GMDS: variants seen among roughly 807,000 people sequenced by gnomAD.
The protein encoded by GMDS is GDP-mannose 4,6-dehydratase.
GMDS carries 20 observed loss-of-function variants against 49.9 expected under a neutral mutation model. That is an observed-to-expected ratio of 0.40 (90% CI 0.28 to 0.58). The LOEUF (loss-of-function observed/expected upper bound fraction) is 0.58, where lower values mean the gene tolerates loss of function less well. Ranked by LOEUF, GMDS falls within the 20% of genes least tolerant of loss-of-function variation. The pLI is 0.42. For missense variants in GMDS, 362 were observed against 481.4 expected, an observed-to-expected ratio of 0.75 and a Z score of 2.32; for synonymous variants, 177 against 178.6, an observed-to-expected ratio of 0.99 and a Z score of 0.07.
chr6:1,875,525 A>C (rs1039385068), intron 7 of GMDS, among the ~76,000 whole-genome samples: 3 of 152,212 alleles, frequency 2.0e-5, no homozygotes, highest in Non-Finnish European at 2.9e-5. Context: ...TTTAAACATC[A>C]GAATTATATT....
intron 9 of GMDS, among the ~76,000 whole-genome samples, chr6:1,637,611 G>A (rs1033297501): frequency 1.3e-5 from 2 of 152,204 alleles, no homozygotes; most frequent in African/African-American, 4.8e-5. Context: ...GGGGAAGCAC[G>A]TTCCGCACCA....
chr6:1,996,098 TTCCTTC>T lies in GMDS; in HGVS notation c.346-35138_346-35133del, dbSNP rs563214150. 1.8e-4 allele frequency among the ~76,000 whole-genome samples: 27 copies of T among 152,132 alleles called. No homozygotes were observed. The South Asian group carries it at 5.0e-3, about 28-fold the overall frequency. ...TTTCCTTCTTTTCTTCTTCTCCTTC[TTCCTTC>T]TCCTTCTCCTTCCTCCTCCTTCCTC... On this transcript the variant is annotated intron_variant, in intron 4 of 10. Coordinates refer to ENST00000380815, the MANE Select transcript of GMDS (RefSeq NM_001500.4).
chr6:2,110,063 G>GCTAC (rs1257273488), intron 4 of GMDS, among the ~76,000 whole-genome samples: 2 of 152,084 alleles, frequency 1.3e-5, no homozygotes, highest in Admixed American at 1.3e-4. Context: ...TTTTTAATAG[G>GCTAC]CTACCCCCTA....
At chr6:1,944,717 C>T (rs1042739582) in intron 6 of GMDS, among the ~76,000 whole-genome samples, 2 of 140,568 alleles carry the variant, frequency 1.4e-5, no homozygotes, top group Admixed American at 7.0e-5. Context: ...AGTAACTTAA[C>T]AAAAATAGTA....
chr6:1,765,247 C>T (rs1768306097), intron 7 of GMDS, among the ~76,000 whole-genome samples: 2 of 152,188 alleles, frequency 1.3e-5, no homozygotes, highest in African/African-American at 4.8e-5. Flanking sequence ...TTTTATTCAA[C>T]ACCATTTTCC....
At chr6:2,103,938 G>A (rs1409825513) in intron 4 of GMDS, among the ~76,000 whole-genome samples, 1 of 152,214 alleles carries the variant, frequency 6.6e-6, no homozygotes, top group Non-Finnish European at 1.5e-5. Context: ...TATGGGGACT[G>A]AACCATAATA....
At chr6:1,863,309 T>C (rs1207652386) in intron 7 of GMDS, among the ~76,000 whole-genome samples, 1 of 152,182 alleles carries the variant, frequency 6.6e-6, no homozygotes, top group Non-Finnish European at 1.5e-5. Flanking sequence ...AAAATGTTTT[T>C]ACGATTTCAC....
At chr6:1,895,006 C>T (rs1760080209) in intron 7 of GMDS, among the ~76,000 whole-genome samples, 1 of 152,152 alleles carries the variant, frequency 6.6e-6, no homozygotes, top group African/African-American at 2.4e-5. Flanking sequence ...GGTTGGATAT[C>T]TTCTAGAATT....
intron 1 of GMDS, among the ~76,000 whole-genome samples, chr6:2,132,436 G>A (rs1775785804): frequency 6.6e-6 from 1 of 152,124 alleles, no homozygotes; most frequent in Non-Finnish European, 1.5e-5. Context: ...GGCATTTCCT[G>A]GTCTAGATAG....
intron 8 of GMDS, among the ~76,000 whole-genome samples, chr6:1,727,664 G>T (rs569508565): frequency 2.0e-5 from 3 of 152,256 alleles, no homozygotes; most frequent in East Asian, 3.9e-4. Context: ...TTTGGAATAG[G>T]TTGAGAATTA....
intron 4 of GMDS, among the ~76,000 whole-genome samples, chr6:2,090,793 A>T (rs1773274989): frequency 6.6e-6 from 1 of 152,220 alleles, no homozygotes; most frequent in Admixed American, 6.5e-5. Flanking sequence ...TTGAAGAAGG[A>T]TTTAGCTGAA....
chr6:2,132,357 G>C (rs2127519273), intron 1 of GMDS, among the ~76,000 whole-genome samples: 1 of 152,262 alleles, frequency 6.6e-6, no homozygotes, highest in East Asian at 1.9e-4. Context: ...TTATGGGATG[G>C]AGGAGGACAG....
chr6:2,217,331 T>C (rs1045261476), intron 1 of GMDS, among the ~76,000 whole-genome samples: 1 of 152,162 alleles, frequency 6.6e-6, no homozygotes, highest in Non-Finnish European at 1.5e-5. Flanking sequence ...CGTGTTTGCC[T>C]GTAATAGAGA....
chr6:1,822,050 G>A (rs1190539892), intron 7 of GMDS, among the ~76,000 whole-genome samples: 1 of 152,106 alleles, frequency 6.6e-6, no homozygotes, highest in East Asian at 1.9e-4. Flanking sequence ...TTTCCTTCAA[G>A]TACCATTCTC....
At chr6:2,030,921 T>A (rs1720093773) in intron 4 of GMDS, among the ~76,000 whole-genome samples, 1 of 152,126 alleles carries the variant, frequency 6.6e-6, no homozygotes, top group African/African-American at 2.4e-5. Context: ...TAACAAGGAT[T>A]TTCTCCAATT....
At chr6:1,793,139 ACG>A (rs1309142331) in intron 7 of GMDS, among the ~76,000 whole-genome samples, 1 of 152,120 alleles carries the variant, frequency 6.6e-6, no homozygotes, top group African/African-American at 2.4e-5. Flanking sequence ...GTTTCAACAA[ACG>A]ACTTCTTCAG....
chr6:1,756,559 A>T (rs887516835), intron 7 of GMDS, among the ~76,000 whole-genome samples: 6 of 152,026 alleles, frequency 3.9e-5, no homozygotes, highest in African/African-American at 1.4e-4. Flanking sequence ...GGCATGAGCC[A>T]CCATGCCCGG....
At chr6:2,060,230 C>G (rs1055345621) in intron 4 of GMDS, among the ~76,000 whole-genome samples, 3 of 152,176 alleles carry the variant, frequency 2.0e-5, no homozygotes, top group South Asian at 4.1e-4. Context: ...GCATTCTCTG[C>G]CCCTCTGCTC....
At chr6:2,068,770 T>C (rs543592930) in intron 4 of GMDS, among the ~76,000 whole-genome samples, 2,525 of 152,090 alleles carry the variant, frequency 0.017, 68 homozygotes, top group African/African-American at 0.057. Context: ...TAAAAGAGGA[T>C]ACAAACAAAT....
Sources: allele counts gnomAD v4.1 joint callset (sites outside exome capture counted in the v4.1 genomes callset), GRCh38; gene constraint gnomAD v4.1.1; transcripts MANE v1.5; gene names NCBI Gene and HGNC (gene_info 2026-07-23, HGNC 2026-07-21).